Variants in USP13 observed in about 807,000 individuals in gnomAD.
USP13 encodes ubiquitin carboxyl-terminal hydrolase 13.
USP13 carries 68 observed loss-of-function variants against 107.8 expected under a neutral mutation model. The observed-to-expected ratio is 0.63, with a 90% confidence interval of 0.52 to 0.77. The LOEUF (loss-of-function observed/expected upper bound fraction) is 0.77. Among genes scored for constraint, USP13 ranks in the 30% least tolerant of loss-of-function variants. The pLI is 0.00. For synonymous variants in USP13, 377 were observed against 389.5 expected (o/e 0.97, Z 0.38); for missense variants, 945 against 1,093.3 (o/e 0.86, Z 1.91).
In USP13 at chr3:179,653,540, C is replaced by G. The variant is rs540815205; in HGVS notation, c.168+147C>G. On this transcript the variant is annotated intron_variant, in intron 1 of 20. Coordinates refer to ENST00000263966, the MANE Select transcript of USP13 (RefSeq NM_003940.3). This position sits in a 1 kb window ranked among gnomAD's most constrained non-coding sequence, Gnocchi z 4.0. ...CAGGAACACTGCAGTTCGGCAGACACTTAGTGAGCGCCCCAGGGCTGCTGC... is the reference window on the plus strand; with the variant it reads ...CAGGAACACTGCAGTTCGGCAGACAGTTAGTGAGCGCCCCAGGGCTGCTGC... 23 of 1,164,570 alleles carry G rather than the reference C, an allele frequency of 2.0e-5. No homozygotes were observed. In the African/African-American group the frequency reaches 2.9e-4, roughly 14 times the overall value. The allele number at this position is 1,164,570 out of a possible 1,614,324, so 72.1% of individuals were successfully genotyped here.
At chr3:179,763,937 T>C in intron 17 of USP13, 65 bp from the exon 18 acceptor site, 1 of 1,480,904 alleles carries the variant, frequency 6.8e-7, no homozygotes, top group Admixed American at 2.5e-5. Context: ...TCCTTGTTAG[T>C]GTTGTTTCAG....
intron 14 of USP13, 79 bp from the exon 15 acceptor site, chr3:179,754,653 G>A: frequency 6.6e-7 from 1 of 1,512,916 alleles, no homozygotes; most frequent in Non-Finnish European, 8.9e-7. Context: ...CTAGACACAT[G>A]CATGTAGAGT....
intron 4 of USP13, among the ~76,000 whole-genome samples, chr3:179,704,992 G>A (rs1268087891): frequency 6.6e-6 from 1 of 152,160 alleles, no homozygotes; most frequent in Non-Finnish European, 1.5e-5. Flanking sequence ...GAGAAGAGGG[G>A]CAGGGCTAGA....
chr3:179,785,562 T>C lies in USP13; in HGVS notation c.*1421T>C, dbSNP rs192681074. ...GAGTATTTGGTCAAACGAAAAAGAA[T>C]TTATTGCTGTCTGTTTAACATGTAT... On this transcript the variant is annotated 3_prime_UTR_variant, in exon 21 of 21. Coordinates refer to ENST00000263966, the MANE Select transcript of USP13 (RefSeq NM_003940.3). The C allele has an allele frequency of 2.6e-4, 40 of 152,290 alleles. No homozygotes were observed. The East Asian group carries it at 4.2e-3, about 16-fold the overall frequency. The allele number at this position is 152,290 out of a possible 1,614,324, so 9.4% of individuals were successfully genotyped here. A position where few individuals can be genotyped will look rare whatever the true frequency, so the allele number is the denominator to read the frequency against.
At chr3:179,658,664 C>G (rs556038595) in intron 1 of USP13, among the ~76,000 whole-genome samples, 1 of 152,296 alleles carries the variant, frequency 6.6e-6, no homozygotes, top group South Asian at 2.1e-4. Flanking sequence ...CTAAACCTCA[C>G]TGGGGACTCC....
intron 19 of USP13, among the ~76,000 whole-genome samples, chr3:179,780,888 T>C (rs1333702262): frequency 6.6e-6 from 1 of 152,160 alleles, no homozygotes; most frequent in Admixed American, 6.5e-5. Context: ...TTTTCCTTAT[T>C]AAATTCAACA....
rs1715863385 is a variant in USP13, at chr3:179,784,595, CTTTA to C, written c.*458_*461del. 1 of 154,300 alleles carries C rather than the reference CTTTA, an allele frequency of 6.5e-6. No homozygotes were observed. The highest frequency in any genetic ancestry group is 1.4e-5 in the Non-Finnish European group (1 of 69,484). 9.6% of individuals were successfully genotyped at this position (154,300 alleles called of 1,614,324 possible). A position where few individuals can be genotyped will look rare whatever the true frequency, so the allele number is the denominator to read the frequency against. Reference sequence around the variant, plus strand: ...ATAGAAAATCAGCAGTTGGGTGGGGCTTTATTTGTGACATAATTTTTTTCATGAC... The same window carrying C: ...ATAGAAAATCAGCAGTTGGGTGGGGCTTTGTGACATAATTTTTTTCATGAC... On this transcript the variant is annotated 3_prime_UTR_variant, in exon 21 of 21. Coordinates refer to ENST00000263966, the MANE Select transcript of USP13 (RefSeq NM_003940.3).
At position 179,730,611 on chromosome 3, in the gene USP13, G is replaced by C; in HGVS notation, c.1161-5G>C. 1 of 1,612,178 alleles carries C rather than the reference G, an allele frequency of 6.2e-7. No homozygotes were observed. The highest frequency in any genetic ancestry group is 8.5e-7 in the Non-Finnish European group (1 of 1,178,562). On this transcript the variant is annotated splice_region_variant and splice_polypyrimidine_tract_variant and intron_variant, in intron 9 of 20. Coordinates refer to ENST00000263966, the MANE Select transcript of USP13 (RefSeq NM_003940.3). ...TTTTTGTTTCTGTTTCTCTGTCCTG[G>C]CCAGGACTAAGTTAGGACATGGCCT...
intron 6 of USP13, among the ~76,000 whole-genome samples, chr3:179,710,930 G>T (rs1712900298): frequency 6.6e-6 from 1 of 152,190 alleles, no homozygotes; most frequent in Non-Finnish European, 1.5e-5. Flanking sequence ...CCTGTACAGG[G>T]CACTTACCGT....
At chr3:179,709,719 G>A (rs1712855376) in intron 6 of USP13, among the ~76,000 whole-genome samples, 1 of 152,170 alleles carries the variant, frequency 6.6e-6, no homozygotes, top group African/African-American at 2.4e-5. Context: ...ATCATCATTG[G>A]AAACATTTGT....
intron 17 of USP13, among the ~76,000 whole-genome samples, chr3:179,763,348 G>C (rs927935324): frequency 3.3e-5 from 5 of 152,018 alleles, no homozygotes; most frequent in African/African-American, 1.2e-4. Flanking sequence ...TATAGTTTTA[G>C]CTCCTATATT....
At chr3:179,725,507 A>G (rs1425164263) in intron 8 of USP13, among the ~76,000 whole-genome samples, 2 of 152,240 alleles carry the variant, frequency 1.3e-5, no homozygotes, top group African/African-American at 4.8e-5. Context: ...CTCTAGGTAC[A>G]TAATCTGAGC....
intron 1 of USP13, among the ~76,000 whole-genome samples, chr3:179,670,845 G>A (rs1720729865): frequency 6.6e-6 from 1 of 151,962 alleles, no homozygotes; most frequent in Admixed American, 6.5e-5. Context: ...TTACAGGTGT[G>A]TGCCACCATG....
intron 8 of USP13, among the ~76,000 whole-genome samples, chr3:179,724,873 C>T (rs1189293180): frequency 6.6e-6 from 1 of 152,224 alleles, no homozygotes; most frequent in Non-Finnish European, 1.5e-5. Flanking sequence ...ATGGACTTCT[C>T]TCTTTTTCTC....
chr3:179,720,099 A>C (rs1713258318), intron 7 of USP13, 65 bp downstream of exon 7: 1 of 1,216,220 alleles, frequency 8.2e-7, no homozygotes, highest in Middle Eastern at 1.9e-4. Context: ...CGGCAAGGGA[A>C]CTGCTTGATT....
chr3:179,754,017 C>T (rs1052866209), intron 14 of USP13, among the ~76,000 whole-genome samples: 2 of 152,174 alleles, frequency 1.3e-5, no homozygotes, highest in African/African-American at 4.8e-5. Flanking sequence ...AGAATATCCA[C>T]AGTACCCATC....
intron 15 of USP13, among the ~76,000 whole-genome samples, chr3:179,756,152 C>T (rs1033579310): frequency 2.6e-5 from 4 of 152,154 alleles, no homozygotes; most frequent in African/African-American, 4.8e-5. Flanking sequence ...GGGCCAGGCG[C>T]GGTGGCTCAC....
intron 2 of USP13, 57 bp downstream of exon 2, chr3:179,682,060 A>G: frequency 1.3e-6 from 2 of 1,542,350 alleles, no homozygotes; most frequent in Non-Finnish European, 1.8e-6. Flanking sequence ...ACGTTGTCTC[A>G]GTGTGCTTTC....
intron 13 of USP13, among the ~76,000 whole-genome samples, chr3:179,745,611 A>G (rs1714379015): frequency 6.6e-6 from 1 of 151,922 alleles, no homozygotes; most frequent in African/African-American, 2.4e-5. Context: ...GATACAGCCA[A>G]GAAACAATCC....
Sources: allele counts gnomAD v4.1 joint callset (sites outside exome capture counted in the v4.1 genomes callset), GRCh38; gene constraint gnomAD v4.1.1; non-coding constraint Gnocchi (gnomAD v3.1); transcripts MANE v1.5; gene names NCBI Gene and HGNC (gene_info 2026-07-23, HGNC 2026-07-21).